TMEM43: variants seen among roughly 807,000 people sequenced by gnomAD.
TMEM43 encodes arrhythmogenic right ventricular dysplasia 5.
In TMEM43, 45 loss-of-function variants were observed where a neutral mutation model predicts 49.6. The observed-to-expected ratio is 0.91, with a 90% CI of 0.71 to 1.16. The LOEUF (loss-of-function observed/expected upper bound fraction) is 1.16. Ranked by LOEUF, TMEM43 falls within the 50% of genes most tolerant of loss-of-function variation. The pLI is 0.00. For synonymous variants in TMEM43, 199 were observed against 207.8 expected (o/e 0.96, Z 0.36); for missense variants, 532 against 516.6 (o/e 1.03, Z -0.29).
intron 11 of TMEM43, among the ~76,000 whole-genome samples, chr3:14,139,557 C>T (rs144556706): frequency 1.2e-4 from 19 of 152,320 alleles, no homozygotes; most frequent in South Asian, 1.0e-3. Flanking sequence ...CCTGAAGGTT[C>T]GTCCATCTGC....
chr3:14,132,958 G>T (rs748128413), intron 6 of TMEM43, 23 bp downstream of exon 6: 11 of 1,600,408 alleles, frequency 6.9e-6, no homozygotes, highest in South Asian at 1.1e-5. Context: ...CCCAAGGCCT[G>T]AGTGCAGCTT....
rs1184655772 is a variant in TMEM43 at position 14,130,920 on chromosome 3, G to A, written c.261G>A (p.Arg87=). ...IHSVAPENEG[R]LVHIIGALRT... ...GTGTGGCTCCGGAGAATGAAGGAAGGCTGGTGCACATCATTGGCGCCTTAC... is the reference window on the plus strand; with the variant it reads ...GTGTGGCTCCGGAGAATGAAGGAAGACTGGTGCACATCATTGGCGCCTTAC... The change falls in exon 3 of 12, where the codon AGG becomes AGA. Residue 87 remains arginine (R), a synonymous_variant. Coordinates refer to ENST00000306077, the MANE Select transcript of TMEM43 (RefSeq NM_024334.3). The A allele has an allele frequency of 3.7e-6, 6 of 1,613,394 alleles. 1 individual carries two copies. The Admixed American group carries it at 8.3e-5, about 22-fold the overall frequency.
intron 4 of TMEM43, among the ~76,000 whole-genome samples, chr3:14,131,984 C>T (rs1695102198): frequency 6.6e-6 from 1 of 152,148 alleles, no homozygotes; most frequent in Admixed American, 6.5e-5. Context: ...AGCATGTCAA[C>T]CCCGAGACCC....
intron 8 of TMEM43, 133 bp from the exon 9 acceptor site, chr3:14,135,025 T>G: frequency 1.3e-5 from 20 of 1,506,346 alleles, no homozygotes; most frequent in Non-Finnish European, 1.8e-5. Flanking sequence ...AGAGGCCCTC[T>G]GGGTGACGGC....
intron 4 of TMEM43, 140 bp from the exon 5 acceptor site, chr3:14,132,406 G>A: frequency 3.7e-6 from 3 of 821,638 alleles, no homozygotes; most frequent in Non-Finnish European, 6.2e-6. Context: ...CCTGTCTTGG[G>A]GCTGGTGTAG....
chr3:14,126,205 C>T (rs970148331), intron 1 of TMEM43, among the ~76,000 whole-genome samples: 3 of 152,314 alleles, frequency 2.0e-5, no homozygotes, highest in East Asian at 3.9e-4. Flanking sequence ...ATCCACACTC[C>T]CAGGACATTT....
Position 14,130,858 on chromosome 3 carries a change from G to C in TMEM43, c.199G>C (p.Gly67Arg). Residue 67 changes from glycine (G) to arginine (R), a missense_variant, in exon 3 of 12, where the codon GGG becomes CGG. Coordinates refer to ENST00000306077, the MANE Select transcript of TMEM43 (RefSeq NM_024334.3). ...GAAGACGGCAACCTCATTGGCTGAG[G>C]GGCTCTCGCTTGTGGTGTCTCCCGA... ...ALKTATSLAE[G>R]LSLVVSPDSI... 6.2e-7 allele frequency: 1 copy of C among 1,613,828 alleles called. No individual in the cohort carries two copies. Among genetic ancestry groups the C allele is most frequent in the Non-Finnish European group, 8.5e-7 (1 of 1,179,874 alleles).
At chr3:14,125,314 C>T (rs1695003310) in intron 1 of TMEM43, 109 bp downstream of exon 1, 14 of 1,366,960 alleles carry the variant, frequency 1.0e-5, no homozygotes, top group African/African-American at 4.3e-5. Flanking sequence ...CTCCGTGCGG[C>T]TAGGCCCGCA....
At chr3:14,131,208 G>T (rs181425027) in intron 3 of TMEM43, among the ~76,000 whole-genome samples, 2 of 152,218 alleles carry the variant, frequency 1.3e-5, no homozygotes, top group Non-Finnish European at 2.9e-5. Context: ...CTAACGCCTT[G>T]GTACAGTGGC....
chr3:14,141,473 C>G, intron 11 of TMEM43, 120 bp from the exon 12 acceptor site: 1 of 963,074 alleles, frequency 1.0e-6, no homozygotes, highest in Non-Finnish European at 1.6e-6. Flanking sequence ...ACCCACTGAT[C>G]CTCTCCCCTC....
At position 14,132,950 on chromosome 3, in the gene TMEM43, C is replaced by T. The variant is rs1695117648; in HGVS notation, c.512+15C>T. 7 of 1,609,142 alleles carry T rather than the reference C, an allele frequency of 4.4e-6. No homozygotes were observed. The highest frequency in any genetic ancestry group is 2.7e-5 in the African/African-American group (2 of 74,810). ...AAAAACCCCAGGTGAGAGCCAGGCC[C>T]AAGGCCTGAGTGCAGCTTTGTCTAC... On this transcript the variant is annotated intron_variant, in intron 6 of 11. Transcript: ENST00000306077.
At chr3:14,132,629 A>G (rs1480439259) in intron 5 of TMEM43, 34 bp downstream of exon 5, 2 of 1,612,272 alleles carry the variant, frequency 1.2e-6, no homozygotes, top group Non-Finnish European at 1.7e-6. Context: ...GTCTCTGCCC[A>G]TGGTGGGGGC....
rs202207425 is a variant in TMEM43, at chr3:14,135,794, G to T, written c.781-13G>T. ...GGTCACCCCTCAGCTCTAACACCAG[G>T]TCCTCTGACCAGGTCACTGTGATTG... is the stretch of plus-strand genomic sequence containing the variant. On this transcript the variant is annotated splice_polypyrimidine_tract_variant and intron_variant, in intron 9 of 11. Coordinates refer to ENST00000306077, the MANE Select transcript of TMEM43 (RefSeq NM_024334.3). The T allele has an allele frequency of 6.7e-5, 108 of 1,611,564 alleles. No homozygotes were observed. The highest frequency in any genetic ancestry group is 2.5e-4 in the South Asian group (23 of 91,002).
At chr3:14,133,206 AT>A (rs776246023) in intron 6 of TMEM43, among the ~76,000 whole-genome samples, 11 of 152,312 alleles carry the variant, frequency 7.2e-5, no homozygotes, top group Middle Eastern at 6.8e-3. Flanking sequence ...CCGGGGAAGC[AT>A]TTTGTTAATG....
chr3:14,130,727 C>A, intron 2 of TMEM43, 95 bp from the exon 3 acceptor site: 1 of 1,493,438 alleles, frequency 6.7e-7, no homozygotes, highest in South Asian at 1.3e-5. Context: ...CTCAGCGCTC[C>A]CGGAGGCCCC....
In TMEM43 at chr3:14,139,279, C is replaced by T. The variant is rs561883271; in HGVS notation, c.982C>T (p.Arg328Trp). ...GTTCATGGGCCTCAACCTTATGACACGGATCCTCTACACCTTGGGTAGGTG... is the reference window on the plus strand; with the variant it reads ...GTTCATGGGCCTCAACCTTATGACATGGATCCTCTACACCTTGGGTAGGTG... ...AMFMGLNLMT[R>W]ILYTLVDWFP... Residue 328 changes from arginine (R) to tryptophan (W), a missense_variant, in exon 11 of 12, where the codon CGG (arginine) becomes TGG (tryptophan). Arg to Trp is a moderately radical substitution (Grantham distance 101). Transcript: ENST00000306077. The T allele has an allele frequency of 1.6e-5, 26 of 1,613,932 alleles. No individual in the cohort carries two copies. Among genetic ancestry groups the T allele is most frequent in the African/African-American group, 1.2e-4 (9 of 75,042 alleles).
At chr3:14,128,809 A>C (rs1333055551) in intron 1 of TMEM43, 2 of 356,774 alleles carry the variant, frequency 5.6e-6, no homozygotes, top group Non-Finnish European at 1.1e-5. Context: ...ACATGTCTGC[A>C]TAAAGGTTCA....
At position 14,128,892 on chromosome 3, in the gene TMEM43, C is replaced by T. The variant is rs116578606; in HGVS notation, c.13-520C>T. On this transcript the variant is annotated intron_variant, in intron 1 of 11. Coordinates refer to ENST00000306077, the MANE Select transcript of TMEM43 (RefSeq NM_024334.3). ...AGCTGTCAAGATACCCATCCACTGA[C>T]GAATGATTCAGCACACTGTGGTATA... 2.5e-3 allele frequency: 1,136 copies of T among 450,722 alleles called. 10 individuals are homozygous for T. The highest frequency in any genetic ancestry group is 0.021 in the African/African-American group (1,050 of 49,880). 27.9% of individuals were successfully genotyped at this position (450,722 alleles called of 1,614,324 possible). A position where few individuals can be genotyped will look rare whatever the true frequency, so the allele number is the denominator to read the frequency against.
At chr3:14,139,439 C>CTCCAT (rs919150024) in intron 11 of TMEM43, 142 bp downstream of exon 11, 6 of 708,586 alleles carry the variant, frequency 8.5e-6, no homozygotes, top group Non-Finnish European at 1.5e-5. Flanking sequence ...TGTGTCCCCG[C>CTCCAT]TCCATAGCCT....
Sources: allele counts gnomAD v4.1 joint callset (sites outside exome capture counted in the v4.1 genomes callset), GRCh38; gene constraint gnomAD v4.1.1; transcripts MANE v1.5; gene names NCBI Gene and HGNC (gene_info 2026-07-23, HGNC 2026-07-21).